The following LDB2 variants were observed in gnomAD, a reference collection of about 807,000 sequenced individuals.
LDB2 encodes LIM domain-binding protein 2.
In LDB2, 12 loss-of-function variants were observed where a neutral mutation model predicts 44.3. The observed-to-expected ratio is 0.27, with a 90% CI of 0.17 to 0.44. The LOEUF is 0.44. Among genes scored for constraint, LDB2 ranks in the 20% least tolerant of loss-of-function variants. LDB2 has a pLI of 1.00. For missense variants in LDB2, 344 were observed against 473.5 expected, an observed-to-expected ratio of 0.73 and a Z score of 2.54; for synonymous variants, 164 against 174.8, an observed-to-expected ratio of 0.94 and a Z score of 0.49.
chr4:16,862,880 G>C (rs187049198), intron 1 of LDB2, among the ~76,000 whole-genome samples: 1 of 152,122 alleles, frequency 6.6e-6, no homozygotes, highest in East Asian at 1.9e-4. Context: ...TTGTGCAACT[G>C]TTATAAAGAT....
Position 16,861,124 on chromosome 4 carries a change from A to G in LDB2, c.132+37230T>C, listed in dbSNP as rs1712403940. Among the ~76,000 whole-genome samples, 3 of 152,322 alleles carry G rather than the reference A, an allele frequency of 2.0e-5. No homozygotes were observed. In the South Asian group the frequency reaches 6.2e-4, roughly 32 times the overall value. ...TATGATCATTGGAACGTTCATAAAA[A>G]TGCTTATCCTACCACTGGATTCTTG... On this transcript the variant is annotated intron_variant, in intron 1 of 7. Transcript: ENST00000304523.
chr4:16,761,013 T>C (rs1239616237), intron 1 of LDB2, among the ~76,000 whole-genome samples: 1 of 152,084 alleles, frequency 6.6e-6, no homozygotes, highest in East Asian at 1.9e-4. Flanking sequence ...GTGTGGTTTT[T>C]TTTTTTTCTC....
At chr4:16,791,270 A>C (rs963327855) in intron 1 of LDB2, among the ~76,000 whole-genome samples, 1 of 152,192 alleles carries the variant, frequency 6.6e-6, no homozygotes, top group African/African-American at 2.4e-5. Context: ...AACAACAACA[A>C]AAACGGCTGG....
chr4:16,743,812 G>GAGCA (rs2109038460), intron 2 of LDB2, among the ~76,000 whole-genome samples: 1 of 152,326 alleles, frequency 6.6e-6, no homozygotes, highest in African/African-American at 2.4e-5. Flanking sequence ...ACCCTAGGCA[G>GAGCA]AGCACCCAGC....
At chr4:16,889,442 T>C (rs1047463491) in intron 1 of LDB2, 3 of 152,134 alleles carry the variant, frequency 2.0e-5, no homozygotes, top group East Asian at 1.9e-4. Context: ...GAGGGCAAAA[T>C]AGTCAGGTCA....
chr4:16,625,701 C>T (rs1462440027), intron 2 of LDB2, among the ~76,000 whole-genome samples: 1 of 152,172 alleles, frequency 6.6e-6, no homozygotes, highest in African/African-American at 2.4e-5. Context: ...GTTTAAGACA[C>T]CCTGAAAACT....
chr4:16,583,497 G>T (rs532936725), intron 5 of LDB2, among the ~76,000 whole-genome samples: 1 of 152,318 alleles, frequency 6.6e-6, no homozygotes, highest in South Asian at 2.1e-4. Flanking sequence ...TCAGATGGAC[G>T]TGGAGGCTTC....
chr4:16,699,042 T>C (rs1752836111), intron 2 of LDB2, among the ~76,000 whole-genome samples: 1 of 152,228 alleles, frequency 6.6e-6, no homozygotes, highest in Non-Finnish European at 1.5e-5. Flanking sequence ...GAGGCAGCTC[T>C]TTATATTGTT....
chr4:16,770,767 A>T (rs1028145425), intron 1 of LDB2, among the ~76,000 whole-genome samples: 1 of 152,170 alleles, frequency 6.6e-6, no homozygotes, highest in African/African-American at 2.4e-5. Flanking sequence ...ATACTCAAAC[A>T]TGGAGACATG....
rs1730932249 is a variant in LDB2 at position 16,533,978 on chromosome 4, A to G, written c.616-21874T>C. Among the ~76,000 whole-genome samples, 1 of 152,294 alleles carries G rather than the reference A, an allele frequency of 6.6e-6. No homozygotes were observed. The highest frequency in any genetic ancestry group is 6.5e-5 in the Admixed American group (1 of 15,300). ...TATAATTAGCAATACAATTCATACC[A>G]TACAGCATGTGAGGACTCTGCATTA... On this transcript the variant is annotated intron_variant, in intron 5 of 7. Transcript: ENST00000304523. The surrounding 1 kb of genome is among the most constrained non-coding windows in gnomAD (Gnocchi z 4.1).
chr4:16,762,344 C>T (rs1473036255), intron 1 of LDB2, among the ~76,000 whole-genome samples: 3 of 152,216 alleles, frequency 2.0e-5, no homozygotes, highest in African/African-American at 4.8e-5. Flanking sequence ...TTCTCATTTG[C>T]TTTGCTCATT....
intron 2 of LDB2, among the ~76,000 whole-genome samples, chr4:16,643,975 A>T (rs762212963): frequency 2.0e-5 from 3 of 152,218 alleles, no homozygotes; most frequent in Non-Finnish European, 2.9e-5. Context: ...TAAACAACAA[A>T]CAGCCCTTCC....
chr4:16,759,320 G>T lies in LDB2; in HGVS notation c.133-60C>A. On this transcript the variant is annotated intron_variant, in intron 1 of 7. Transcript: ENST00000304523. Reference sequence around the variant, plus strand: ...AAGTGGGAAATATCTCAAAGAGGAAGAGAAAAGGGAAGAGAAAGAAAAACT... The same window carrying T: ...AAGTGGGAAATATCTCAAAGAGGAATAGAAAAGGGAAGAGAAAGAAAAACT... 1 of 1,245,982 alleles carries T rather than the reference G, an allele frequency of 8.0e-7. No individual in the cohort carries two copies. Among genetic ancestry groups the T allele is most frequent in the Non-Finnish European group, 1.2e-6 (1 of 847,262 alleles). 77.2% of individuals were successfully genotyped at this position (1,245,982 alleles called of 1,614,324 possible). A position where few individuals can be genotyped will look rare whatever the true frequency, so the allele number is the denominator to read the frequency against.
rs978952937 is a variant in LDB2 at position 16,585,867 on chromosome 4, C to T, written c.615+55G>A. 4.4e-6 allele frequency: 6 copies of T among 1,374,022 alleles called. No individual in the cohort carries two copies. In the South Asian group the frequency reaches 4.7e-5, roughly 11 times the overall value. 85.1% of individuals were successfully genotyped at this position (1,374,022 alleles called of 1,614,324 possible). On this transcript the variant is annotated intron_variant, in intron 5 of 7. Coordinates refer to ENST00000304523, the MANE Select transcript of LDB2 (RefSeq NM_001290.5). ...CTTCTTGGTTCAGGATGCATATAAA[C>T]CTCTGGAGTACTTTTCAAACTCACC... is the stretch of plus-strand genomic sequence containing the variant.
chr4:16,878,052 G>C (rs1487722305), intron 1 of LDB2, among the ~76,000 whole-genome samples: 1 of 152,110 alleles, frequency 6.6e-6, no homozygotes, highest in Non-Finnish European at 1.5e-5. Context: ...AAAATAAAAA[G>C]GATGTTGAAC....
At chr4:16,514,528 A>G (rs1722939770) in intron 5 of LDB2, among the ~76,000 whole-genome samples, 1 of 152,180 alleles carries the variant, frequency 6.6e-6, no homozygotes. Flanking sequence ...AAGTCTAAGC[A>G]TGATAATTAT....
chr4:16,573,855 T>TC (rs1747448437), intron 5 of LDB2, among the ~76,000 whole-genome samples: 4 of 152,118 alleles, frequency 2.6e-5, no homozygotes, highest in Non-Finnish European at 5.9e-5. Context: ...TGGCTTGCCA[T>TC]TTAGGTGGAA....
chr4:16,621,384 A>T (rs1162808823), intron 2 of LDB2, among the ~76,000 whole-genome samples: 1 of 152,090 alleles, frequency 6.6e-6, no homozygotes, highest in Admixed American at 6.5e-5. Flanking sequence ...ATGATAATGG[A>T]TGGTTGAAGA....
At chr4:16,705,421 T>C (rs575814115) in intron 2 of LDB2, among the ~76,000 whole-genome samples, 2 of 152,258 alleles carry the variant, frequency 1.3e-5, no homozygotes, top group Non-Finnish European at 2.9e-5. Context: ...TGAGCTGATG[T>C]CTCAGGAGGC....
Sources: allele counts gnomAD v4.1 joint callset (sites outside exome capture counted in the v4.1 genomes callset), GRCh38; gene constraint gnomAD v4.1.1; non-coding constraint Gnocchi (gnomAD v3.1); transcripts MANE v1.5; gene names NCBI Gene and HGNC (gene_info 2026-07-23, HGNC 2026-07-21).